XPO6: variants seen among roughly 807,000 people sequenced by gnomAD.
XPO6 encodes the protein exportin-6.
A neutral mutation model predicts 130.0 loss-of-function variants in XPO6; 3 were observed. That is an observed-to-expected ratio of 0.02 (90% CI 0.01 to 0.06). The LOEUF (loss-of-function observed/expected upper bound fraction) is 0.06, where lower values mean the gene tolerates loss of function less well. Ranked by LOEUF, XPO6 falls within the 10% of genes least tolerant of loss-of-function variation. The pLI, the probability that XPO6 is intolerant of heterozygous loss-of-function variation, is 1.00. For missense variants in XPO6, 970 were observed against 1,393.0 expected (o/e 0.70, Z 4.83); for synonymous variants, 524 against 548.9 (o/e 0.95, Z 0.63).
intron 1 of XPO6, among the ~76,000 whole-genome samples, chr16:28,187,626 C>G (rs978042679): frequency 6.7e-6 from 1 of 149,946 alleles, no homozygotes; most frequent in Non-Finnish European, 1.5e-5. Context: ...ACTGTTCATA[C>G]GTCATAGATA....
chr16:28,120,744 G>A (rs73522892), intron 14 of XPO6, among the ~76,000 whole-genome samples: 1,802 of 152,272 alleles, frequency 0.012, 35 homozygotes, highest in African/African-American at 0.041. Context: ...TCTTTCCATC[G>A]TTTATCTAAT....
At chr16:28,109,043 C>T (rs1198283398) in intron 17 of XPO6, among the ~76,000 whole-genome samples, 1 of 152,188 alleles carries the variant, frequency 6.6e-6, no homozygotes, top group South Asian at 2.1e-4. Context: ...TAGGAAACTG[C>T]ACTCAGGGCA....
At chr16:28,193,139 C>A (rs2043810639) in intron 1 of XPO6, among the ~76,000 whole-genome samples, 1 of 152,210 alleles carries the variant, frequency 6.6e-6, no homozygotes, top group African/African-American at 2.4e-5. Context: ...CTGAATACAC[C>A]TAGTGCCACC....
chr16:28,174,696 T>C (rs1238523021), intron 4 of XPO6, among the ~76,000 whole-genome samples: 2 of 152,236 alleles, frequency 1.3e-5, no homozygotes, highest in African/African-American at 4.8e-5. Context: ...TCTTTTTGAA[T>C]TGCTGCATCA....
At chr16:28,108,554 A>G (rs2086837690) in intron 17 of XPO6, among the ~76,000 whole-genome samples, 1 of 152,158 alleles carries the variant, frequency 6.6e-6, no homozygotes, top group South Asian at 2.1e-4. Flanking sequence ...AGATGCTGCC[A>G]TTGTTCCCAG....
chr16:28,140,687 A>AC (rs1306436837), intron 9 of XPO6, among the ~76,000 whole-genome samples: 2 of 150,096 alleles, frequency 1.3e-5, no homozygotes, highest in African/African-American at 4.9e-5. Context: ...AAAAAAAAAA[A>AC]AAAAAATTTT....
intron 4 of XPO6, among the ~76,000 whole-genome samples, chr16:28,174,103 C>T (rs937994472): frequency 1.1e-4 from 16 of 152,162 alleles, no homozygotes; most frequent in Admixed American, 2.6e-4. Context: ...CATAACCGTC[C>T]TCAACTTGGA....
intron 12 of XPO6, among the ~76,000 whole-genome samples, chr16:28,128,728 G>A (rs767304714): frequency 2.0e-5 from 3 of 152,144 alleles, no homozygotes; most frequent in Non-Finnish European, 4.4e-5. Flanking sequence ...GACCTCGGCT[G>A]AATGCTAGGG....
intron 12 of XPO6, 49 bp from the exon 13 acceptor site, chr16:28,125,897 G>C: frequency 3.8e-6 from 6 of 1,578,598 alleles, no homozygotes; most frequent in Non-Finnish European, 4.3e-6. Flanking sequence ...CCACGCTTTA[G>C]ATACTACAGA....
intron 1 of XPO6, among the ~76,000 whole-genome samples, chr16:28,184,405 C>T (rs571942140): frequency 2.0e-5 from 3 of 152,126 alleles, no homozygotes; most frequent in East Asian, 1.9e-4. Flanking sequence ...AGTATCTTCA[C>T]GAGCTAGGGG....
intron 1 of XPO6, 114 bp downstream of exon 1, chr16:28,211,252 G>C: frequency 8.8e-7 from 1 of 1,139,432 alleles, no homozygotes. Context: ...GCCAGGCTCC[G>C]CACGCGCCTC....
chr16:28,155,122 T>C (rs1165780640), intron 7 of XPO6, among the ~76,000 whole-genome samples: 1 of 152,214 alleles, frequency 6.6e-6, no homozygotes, highest in Non-Finnish European at 1.5e-5. Flanking sequence ...CTTTCAACTT[T>C]ATGCACTTGA....
At chr16:28,179,461 CCAAAGTGAAGT>C (rs1297001134) in intron 2 of XPO6, among the ~76,000 whole-genome samples, 1 of 152,166 alleles carries the variant, frequency 6.6e-6, no homozygotes, top group African/African-American at 2.4e-5. Flanking sequence ...CTGTGAATCC[CCAAAGTGAAGT>C]CAAACCAGAC....
intron 4 of XPO6, chr16:28,173,097 G>T (rs1659783061): frequency 6.6e-6 from 1 of 152,118 alleles, no homozygotes; most frequent in African/African-American, 2.4e-5. Flanking sequence ...ATCCAGAGAT[G>T]GTCTAACCTA....
chr16:28,159,736 G>A (rs972037710), intron 6 of XPO6, among the ~76,000 whole-genome samples: 2 of 152,190 alleles, frequency 1.3e-5, no homozygotes, highest in Middle Eastern at 3.4e-3. Flanking sequence ...ACATGGTGGC[G>A]GGGGGAGGTG....
At chr16:28,120,579 A>G (rs1234088540) in intron 14 of XPO6, among the ~76,000 whole-genome samples, 2 of 152,192 alleles carry the variant, frequency 1.3e-5, no homozygotes, top group Non-Finnish European at 2.9e-5. Flanking sequence ...GGCTGAAAGG[A>G]GGGGCTCTGA....
chr16:28,164,356 G>T (rs2043323622), intron 6 of XPO6, among the ~76,000 whole-genome samples: 1 of 152,204 alleles, frequency 6.6e-6, no homozygotes, highest in Admixed American at 6.5e-5. Context: ...TTGAACAAAA[G>T]CATCAAAATG....
chr16:28,101,714 A>C lies in XPO6; in HGVS notation c.3046-26T>G. On this transcript the variant is annotated intron_variant, in intron 22 of 23. Coordinates refer to ENST00000304658, the MANE Select transcript of XPO6 (RefSeq NM_015171.4). This position sits in a 1 kb window ranked among gnomAD's most constrained non-coding sequence, Gnocchi z 5.4. ...CTGCAGGCAGAGAGACCAGGTGAGCAGCAGCCAGCCCCCAGGGGCCTGTCC... is the reference window on the plus strand; with the variant it reads ...CTGCAGGCAGAGAGACCAGGTGAGCCGCAGCCAGCCCCCAGGGGCCTGTCC... The C allele has an allele frequency of 6.3e-7, 1 of 1,597,158 alleles. No homozygotes were observed. The highest frequency in any genetic ancestry group is 2.2e-5 in the East Asian group (1 of 44,616).
chr16:28,134,614 G>A (rs779726082), intron 10 of XPO6, among the ~76,000 whole-genome samples: 1 of 152,090 alleles, frequency 6.6e-6, no homozygotes, highest in East Asian at 1.9e-4. Context: ...ATAAGCTCTT[G>A]ACCATGCCGC....
Sources: allele counts gnomAD v4.1 joint callset (sites outside exome capture counted in the v4.1 genomes callset), GRCh38; gene constraint gnomAD v4.1.1; non-coding constraint Gnocchi (gnomAD v3.1); transcripts MANE v1.5; gene names NCBI Gene and HGNC (gene_info 2026-07-23, HGNC 2026-07-21).